The following SNX29 variants were observed in gnomAD, a reference collection of about 807,000 sequenced individuals.
SNX29 encodes sorting nexin-29.
In SNX29, 78 loss-of-function variants were observed where a neutral mutation model predicts 102.1. That is an observed-to-expected ratio of 0.76 (90% CI 0.64 to 0.92). The LOEUF (loss-of-function observed/expected upper bound fraction) is 0.92. Among genes scored for constraint, SNX29 ranks in the 40% least tolerant of loss-of-function variants. SNX29 has a pLI of 0.00. For synonymous variants in SNX29, 580 were observed against 414.5 expected, an observed-to-expected ratio of 1.40 and a Z score of -4.85; for missense variants, 1,280 against 1,061.7, an observed-to-expected ratio of 1.21 and a Z score of -2.86.
intron 5 of SNX29, among the ~76,000 whole-genome samples, chr16:12,043,529 A>T (rs1055717015): frequency 4.0e-5 from 6 of 151,656 alleles, no homozygotes; most frequent in African/African-American, 1.5e-4. Flanking sequence ...TAATTTAAAA[A>T]ATTTTTTTGT....
chr16:12,192,759 A>G (rs1008736272), intron 13 of SNX29, among the ~76,000 whole-genome samples: 21 of 152,148 alleles, frequency 1.4e-4, no homozygotes, highest in Admixed American at 2.6e-4. Context: ...CTGGAGTTCA[A>G]TGGCACGATC....
intron 3 of SNX29, 107 bp downstream of exon 3, chr16:12,003,150 G>C: frequency 7.2e-7 from 1 of 1,397,822 alleles, no homozygotes; most frequent in Non-Finnish European, 1.0e-6. Flanking sequence ...GCGGCAGAAG[G>C]CGGCTGGCTT....
chr16:12,044,452 C>A (rs1414421321), intron 5 of SNX29, among the ~76,000 whole-genome samples: 1 of 152,140 alleles, frequency 6.6e-6, no homozygotes, highest in Non-Finnish European at 1.5e-5. Flanking sequence ...AATGGGAGTG[C>A]TTGGGAACCA....
intron 18 of SNX29, among the ~76,000 whole-genome samples, chr16:12,454,472 G>A (rs2086448116): frequency 6.6e-6 from 1 of 152,196 alleles, no homozygotes; most frequent in South Asian, 2.1e-4. Flanking sequence ...GAACTCTAGA[G>A]GTGACATAGC....
intron 11 of SNX29, among the ~76,000 whole-genome samples, chr16:12,114,177 G>A (rs987362644): frequency 2.0e-5 from 3 of 152,160 alleles, no homozygotes; most frequent in African/African-American, 4.8e-5. Flanking sequence ...GGTTACAAGG[G>A]ACAGAAACCA....
At chr16:12,298,879 C>T (rs898927092) in intron 15 of SNX29, among the ~76,000 whole-genome samples, 1 of 151,960 alleles carries the variant, frequency 6.6e-6, no homozygotes, top group African/African-American at 2.4e-5. Context: ...CCTACATTAA[C>T]CTTATCATAA....
At position 12,544,719 on chromosome 16, in the gene SNX29, G is replaced by A. The variant is rs539036152; in HGVS notation, c.2318+19878G>A. On this transcript the variant is annotated intron_variant, in intron 20 of 20. Coordinates refer to ENST00000566228, the MANE Select transcript of SNX29 (RefSeq NM_032167.5). ...TCTTCCTCCACCATCCCTTTAATAG[G>A]AGGGGAAACCTCGGCCCAGAGAGGT... Among the ~76,000 whole-genome samples the A allele has an allele frequency of 2.1e-4, 32 of 152,172 alleles. 1 individual carries two copies. The highest frequency in any genetic ancestry group is 1.2e-4 in the Non-Finnish European group (8 of 68,010).
chr16:12,067,605 A>C (rs2051094851), intron 9 of SNX29, among the ~76,000 whole-genome samples: 1 of 152,154 alleles, frequency 6.6e-6, no homozygotes, highest in Admixed American at 6.5e-5. Flanking sequence ...CTTCCACCTC[A>C]GTTTTCCAAG....
chr16:12,541,856 C>T (rs1216595175), intron 20 of SNX29, among the ~76,000 whole-genome samples: 1 of 152,136 alleles, frequency 6.6e-6, no homozygotes, highest in African/African-American at 2.4e-5. Flanking sequence ...GTAGCACATG[C>T]CTGGAAACCA....
intron 15 of SNX29, among the ~76,000 whole-genome samples, chr16:12,338,158 C>T (rs1490456344): frequency 6.6e-6 from 1 of 152,134 alleles, no homozygotes; most frequent in Non-Finnish European, 1.5e-5. Context: ...AGGTGGGAGG[C>T]GGATCAATTG....
chr16:12,177,667 T>C (rs2076290946), intron 13 of SNX29, among the ~76,000 whole-genome samples: 1 of 152,256 alleles, frequency 6.6e-6, no homozygotes, highest in South Asian at 2.1e-4. Flanking sequence ...CACCCACCTA[T>C]GCAATTCAGT....
At chr16:12,488,543 A>G (rs2088370442) in intron 19 of SNX29, among the ~76,000 whole-genome samples, 1 of 152,146 alleles carries the variant, frequency 6.6e-6, no homozygotes, top group African/African-American at 2.4e-5. Context: ...CCGGGTACAG[A>G]GTCGAACCTG....
intron 13 of SNX29, among the ~76,000 whole-genome samples, chr16:12,181,343 A>G (rs151125099): frequency 3.0e-4 from 46 of 152,346 alleles, no homozygotes; most frequent in Non-Finnish European, 3.8e-4. Flanking sequence ...GCATCAATCA[A>G]CATATGCAAG....
At position 12,573,900 on chromosome 16, in the gene SNX29, T is replaced by G. The variant is rs2079238017; in HGVS notation, c.*5271T>G. On this transcript the variant is annotated 3_prime_UTR_variant, in exon 21 of 21. Transcript: ENST00000566228. Reference sequence around the variant, plus strand: ...CTGGCTTAGCCGTCAGGTAGAACGCTTACTCACCTGACACCGACTTCTTAG... The same window carrying G: ...CTGGCTTAGCCGTCAGGTAGAACGCGTACTCACCTGACACCGACTTCTTAG... The G allele has an allele frequency of 9.7e-6, 2 of 205,248 alleles. No homozygotes were observed. Among genetic ancestry groups the G allele is most frequent in the African/African-American group, 4.6e-5 (2 of 43,768 alleles). The allele number at this position is 205,248 out of a possible 1,614,324, so 12.7% of individuals were successfully genotyped here. A position where few individuals can be genotyped will look rare whatever the true frequency, so the allele number is the denominator to read the frequency against.
intron 13 of SNX29, among the ~76,000 whole-genome samples, chr16:12,194,307 A>G (rs574287691): frequency 2.6e-5 from 4 of 152,338 alleles, no homozygotes; most frequent in African/African-American, 9.6e-5. Context: ...GTGTATAGAA[A>G]TACAGTTGAT....
intron 20 of SNX29, among the ~76,000 whole-genome samples, chr16:12,562,859 C>A (rs146401462): frequency 1.3e-5 from 2 of 152,130 alleles, no homozygotes; most frequent in African/African-American, 4.8e-5. Flanking sequence ...CGACAGCTCC[C>A]GGTCTGTGCT....
chr16:12,356,159 C>T lies in SNX29; in HGVS notation c.1783-4C>T. ...AGCCTCACCTTTCCGTGCTTGTGTTCCAGGTGGCAGAGATGCATGGCGAGC... is the reference window on the plus strand; with the variant it reads ...AGCCTCACCTTTCCGTGCTTGTGTTTCAGGTGGCAGAGATGCATGGCGAGC... On this transcript the variant is annotated splice_region_variant and splice_polypyrimidine_tract_variant and intron_variant, in intron 15 of 20. Coordinates refer to ENST00000566228, the MANE Select transcript of SNX29 (RefSeq NM_032167.5). The T allele has an allele frequency of 6.2e-7, 1 of 1,611,184 alleles. No individual in the cohort carries two copies. Among genetic ancestry groups the T allele is most frequent in the Non-Finnish European group, 8.5e-7 (1 of 1,178,944 alleles).
rs531659429 is a variant in SNX29 at position 12,571,875 on chromosome 16, T to A, written c.*3246T>A. On this transcript the variant is annotated 3_prime_UTR_variant, in exon 21 of 21. Coordinates refer to ENST00000566228, the MANE Select transcript of SNX29 (RefSeq NM_032167.5). ...CGTTGCTGGCAAGGCATTTTAGAGT[T>A]TGGAGCTGAGGTTCAAAGCCCCCTG... is the stretch of plus-strand genomic sequence containing the variant. 142 of 1,061,602 alleles carry A rather than the reference T, an allele frequency of 1.3e-4. 1 individual carries two copies. The African/African-American group carries it at 2.1e-3, about 16-fold the overall frequency. 65.8% of individuals were successfully genotyped at this position (1,061,602 alleles called of 1,614,324 possible). A position where few individuals can be genotyped will look rare whatever the true frequency, so the allele number is the denominator to read the frequency against.
intron 15 of SNX29, among the ~76,000 whole-genome samples, chr16:12,352,470 A>G (rs2082016514): frequency 6.6e-6 from 1 of 152,236 alleles, no homozygotes; most frequent in Admixed American, 6.5e-5. Flanking sequence ...TACATACGTA[A>G]CAAACCTGCA....
Sources: gnomAD v4.1 joint callset for allele counts (sites outside exome capture counted in the v4.1 genomes callset) on GRCh38, gnomAD v4.1.1 for gene constraint, MANE v1.5 for transcripts, NCBI Gene and HGNC (gene_info 2026-07-23, HGNC 2026-07-21) for gene names.